Variants in OGN observed in about 807,000 individuals in gnomAD.
OGN encodes mimecan.
In OGN, 19 loss-of-function variants were observed where a neutral mutation model predicts 30.8. That is an observed-to-expected ratio of 0.62 (90% CI 0.43 to 0.90). The LOEUF is 0.90. Among genes scored for constraint, OGN ranks in the 40% least tolerant of loss-of-function variants. OGN has a pLI of 0.00. For missense variants in OGN, 283 were observed against 349.7 expected (o/e 0.81, Z 1.52); for synonymous variants, 126 against 128.3 (o/e 0.98, Z 0.12).
intron 4 of OGN, among the ~76,000 whole-genome samples, chr9:92,391,317 G>A (rs1842673575): frequency 6.6e-6 from 1 of 152,090 alleles, no homozygotes; most frequent in South Asian, 2.1e-4. Context: ...TGAGGCAGGA[G>A]AATGGCATGA....
At chr9:92,404,444 A>T in intron 1 of OGN, 52 bp downstream of exon 1, 1 of 1,131,982 alleles carries the variant, frequency 8.8e-7, no homozygotes, top group Non-Finnish European at 1.2e-6. Flanking sequence ...TAGATGAGTC[A>T]GTCGCACTTT....
intron 4 of OGN, among the ~76,000 whole-genome samples, chr9:92,390,684 A>G (rs1205844335): frequency 2.0e-5 from 3 of 152,186 alleles, no homozygotes; most frequent in Admixed American, 6.5e-5. Flanking sequence ...TAAAATTACC[A>G]CAAGTGTTGA....
rs1404030054 is a variant in OGN at position 92,401,177 on chromosome 9, T to G, written c.183A>C (p.Glu61Asp). The G allele has an allele frequency of 6.9e-7, 1 of 1,458,632 alleles. No individual in the cohort carries two copies. Among genetic ancestry groups the G allele is most frequent in the African/African-American group, 1.4e-5 (1 of 71,446 alleles). The allele number at this position is 1,458,632 out of a possible 1,614,324, so 90.4% of individuals were successfully genotyped here. A position where few individuals can be genotyped will look rare whatever the true frequency, so the allele number is the denominator to read the frequency against. Residue 61 changes from glutamate to aspartate, a missense_variant, in exon 3 of 7, where the codon GAA (glutamate) becomes GAC (aspartate). By Grantham distance (45) the Glu-to-Asp change is conservative (BLOSUM62 2). Coordinates refer to ENST00000375561, the MANE Select transcript of OGN (RefSeq NM_014057.5). ...YLDGKNIKEK[E>D]TVIIPNEKSL... ...TTTTCTCATTGGGTATTATCACAGT[T>G]TCTTTTTCCTATTGGAAAAATAAAA...
At chr9:92,390,114 T>C in intron 4 of OGN, 58 bp from the exon 5 acceptor site, 1 of 976,544 alleles carries the variant, frequency 1.0e-6, no homozygotes, top group East Asian at 2.4e-5. Context: ...TTGTATGGAC[T>C]GAAGAAAAGC....
rs1361769670 is a variant in OGN at position 92,385,510 on chromosome 9, A to C, written c.*110T>G. The C allele has an allele frequency of 1.1e-6, 1 of 932,236 alleles. No individual in the cohort carries two copies. The highest frequency in any genetic ancestry group is 2.5e-5 in the East Asian group (1 of 39,372). 57.7% of individuals were successfully genotyped at this position (932,236 alleles called of 1,614,324 possible). Reference sequence around the variant, plus strand: ...CTTGCTTAAAATATTAAATTCCTTCAAAATGAGATACAAGGTTAATATTAA... The same window carrying C: ...CTTGCTTAAAATATTAAATTCCTTCCAAATGAGATACAAGGTTAATATTAA... On this transcript the variant is annotated 3_prime_UTR_variant, in exon 7 of 7. Coordinates refer to ENST00000375561, the MANE Select transcript of OGN (RefSeq NM_014057.5).
intron 5 of OGN, 76 bp downstream of exon 5, chr9:92,389,778 A>G: frequency 3.1e-6 from 3 of 959,884 alleles, no homozygotes; most frequent in Middle Eastern, 3.2e-4. Context: ...TCAAAATACA[A>G]TTCTAGACCA....
Position 92,394,433 on chromosome 9 carries a change from A to G in OGN, c.269-1189T>C, listed in dbSNP as rs1450740502. Among the ~76,000 whole-genome samples the G allele has an allele frequency of 3.1e-5, 4 of 129,222 alleles. No individual in the cohort carries two copies. The South Asian group carries it at 9.7e-4, about 31-fold the overall frequency. 84.8% of individuals were successfully genotyped at this position (129,222 alleles called of 152,430 possible). On this transcript the variant is annotated intron_variant, in intron 3 of 6. Coordinates refer to ENST00000375561, the MANE Select transcript of OGN (RefSeq NM_014057.5). Reference sequence around the variant, plus strand: ...ATTTTTTTTTTTTTTTTGAATTTTTAGTATAGACAAGGTTTCACCATGTTG... The same window carrying G: ...ATTTTTTTTTTTTTTTTGAATTTTTGGTATAGACAAGGTTTCACCATGTTG...
At chr9:92,391,046 C>T (rs961851002) in intron 4 of OGN, among the ~76,000 whole-genome samples, 2 of 151,206 alleles carry the variant, frequency 1.3e-5, no homozygotes, top group African/African-American at 4.9e-5. Flanking sequence ...GGGCAGATCA[C>T]TTGAGGTCAG....
chr9:92,394,898 C>T (rs1290827493), intron 3 of OGN, among the ~76,000 whole-genome samples: 4 of 152,088 alleles, frequency 2.6e-5, no homozygotes, highest in South Asian at 2.1e-4. Context: ...TGAGCCACCA[C>T]GCCCGGCCTA....
intron 1 of OGN, chr9:92,403,826 A>C: frequency 3.2e-6 from 1 of 309,226 alleles, no homozygotes; most frequent in Non-Finnish European, 4.7e-6. Flanking sequence ...TAAAAATATC[A>C]TATTTCCACT....
intron 5 of OGN, among the ~76,000 whole-genome samples, chr9:92,388,941 A>G (rs749453918): frequency 2.6e-5 from 4 of 152,146 alleles, no homozygotes; most frequent in Admixed American, 1.3e-4. Context: ...TAACTTTAAA[A>G]TGTCCCTTAA....
intron 6 of OGN, 116 bp downstream of exon 6, chr9:92,386,085 C>T (rs970478101): frequency 2.7e-5 from 20 of 743,054 alleles, no homozygotes; most frequent in African/African-American, 7.1e-5. Context: ...TTAGCTATCA[C>T]GCTACTACAG....
At chr9:92,399,240 A>G (rs1304528735) in intron 3 of OGN, among the ~76,000 whole-genome samples, 1 of 151,934 alleles carries the variant, frequency 6.6e-6, no homozygotes, top group Non-Finnish European at 1.5e-5. Context: ...TCATACTTCA[A>G]TTTTTTTCAA....
rs1247982655 is a variant in OGN at position 92,383,520 on chromosome 9, A to G, written c.*2100T>C. Among the ~76,000 whole-genome samples, 1 of 152,120 alleles carries G rather than the reference A, an allele frequency of 6.6e-6. No homozygotes were observed. ...ATTTAAAAATTTAAAGCCTCTAATT[A>G]TTAGTGTCAAGAATGAAACATTATG... On this transcript the variant is annotated 3_prime_UTR_variant, in exon 7 of 7. Coordinates refer to ENST00000375561, the MANE Select transcript of OGN (RefSeq NM_014057.5).
intron 3 of OGN, among the ~76,000 whole-genome samples, chr9:92,394,697 C>T (rs764697424): frequency 6.6e-6 from 1 of 150,554 alleles, no homozygotes; most frequent in African/African-American, 2.5e-5. Flanking sequence ...CTCCGCCTCC[C>T]GGGTTCAAGC....
Position 92,384,843 on chromosome 9 carries a change from A to G in OGN, c.*777T>C, listed in dbSNP as rs989756829. ...AGACTTTGCCATAGAGAACTTTATCAGAAATGGATGAACTTTTCATTATTT... is the reference window on the plus strand; with the variant it reads ...AGACTTTGCCATAGAGAACTTTATCGGAAATGGATGAACTTTTCATTATTT... On this transcript the variant is annotated 3_prime_UTR_variant, in exon 7 of 7. Transcript: ENST00000375561. The G allele has an allele frequency of 6.6e-6, 1 of 152,292 alleles. No individual in the cohort carries two copies. Among genetic ancestry groups the G allele is most frequent in the Non-Finnish European group, 1.5e-5 (1 of 68,002 alleles). The allele number at this position is 152,292 out of a possible 1,614,324, so 9.4% of individuals were successfully genotyped here.
chr9:92,395,031 C>G (rs1431976501), intron 3 of OGN, among the ~76,000 whole-genome samples: 1 of 152,008 alleles, frequency 6.6e-6, no homozygotes, highest in African/African-American at 2.4e-5. Flanking sequence ...TTTTTTCCTG[C>G]TACAGCTTTT....
Position 92,385,429 on chromosome 9 carries a change from C to T in OGN, c.*191G>A, listed in dbSNP as rs1026498143. 9.6e-6 allele frequency: 5 copies of T among 518,700 alleles called. No homozygotes were observed. Among genetic ancestry groups the T allele is most frequent in the Non-Finnish European group, 1.7e-5 (5 of 296,000 alleles). 32.1% of individuals were successfully genotyped at this position (518,700 alleles called of 1,614,324 possible). A position where few individuals can be genotyped will look rare whatever the true frequency, so the allele number is the denominator to read the frequency against. On this transcript the variant is annotated 3_prime_UTR_variant, in exon 7 of 7. Transcript: ENST00000375561. ...TAAATATTTTCATATTACTTTGTTT[C>T]GAACGTAGACATTCAGTCTTACTTT...
intron 6 of OGN, 50 bp from the exon 7 acceptor site, chr9:92,385,840 C>T: frequency 6.3e-7 from 1 of 1,585,158 alleles, no homozygotes; most frequent in Non-Finnish European, 8.7e-7. Context: ...ATCAACCTTT[C>T]ATATGCTATA....
Sources: allele counts gnomAD v4.1 joint callset (sites outside exome capture counted in the v4.1 genomes callset), GRCh38; gene constraint gnomAD v4.1.1; transcripts MANE v1.5; gene names NCBI Gene and HGNC (gene_info 2026-07-23, HGNC 2026-07-21).